Variants in PTPN12 observed in about 807,000 individuals in gnomAD.
PTPN12 encodes tyrosine-protein phosphatase non-receptor type 12.
A neutral mutation model predicts 97.6 loss-of-function variants in PTPN12; 29 were observed. That is an observed-to-expected ratio of 0.30 (90% CI 0.22 to 0.41). PTPN12 has a LOEUF of 0.41. Among genes scored for constraint, PTPN12 ranks in the 10% least tolerant of loss-of-function variants. PTPN12 has a pLI of 1.00. For missense variants in PTPN12, 819 were observed against 926.0 expected (o/e 0.88, Z 1.50); for synonymous variants, 327 against 300.4 (o/e 1.09, Z -0.91).
chr7:77,596,127 T>C (rs1788015228), intron 6 of PTPN12, among the ~76,000 whole-genome samples: 1 of 152,232 alleles, frequency 6.6e-6, no homozygotes, highest in African/African-American at 2.4e-5. Flanking sequence ...GGGTGGTTAC[T>C]ACTTTGCAGA....
intron 12 of PTPN12, among the ~76,000 whole-genome samples, chr7:77,623,107 G>A (rs1789004634): frequency 6.6e-6 from 1 of 151,718 alleles, no homozygotes; most frequent in Non-Finnish European, 1.5e-5. Context: ...CACCAAATGT[G>A]ATGGATAAAA....
chr7:77,629,939 CAAA>C (rs1168132976), intron 13 of PTPN12, among the ~76,000 whole-genome samples: 6 of 98,856 alleles, frequency 6.1e-5, no homozygotes, highest in Admixed American at 2.1e-4. Flanking sequence ...GACCCTGTCT[CAAA>C]AAAAAAAAAA....
At chr7:77,545,959 G>A (rs750467875) in intron 1 of PTPN12, among the ~76,000 whole-genome samples, 14 of 152,000 alleles carry the variant, frequency 9.2e-5, no homozygotes, top group Non-Finnish European at 1.9e-4. Context: ...TTGAGACAAA[G>A]TCTTGCTTTG....
intron 5 of PTPN12, 51 bp downstream of exon 5, chr7:77,585,632 T>C (rs746395231): frequency 6.8e-7 from 1 of 1,468,308 alleles, no homozygotes; most frequent in East Asian, 2.3e-5. Context: ...ATAAATATTC[T>C]TAGTCTTTTA....
At chr7:77,608,850 C>T (rs1181248958) in intron 9 of PTPN12, among the ~76,000 whole-genome samples, 2 of 152,108 alleles carry the variant, frequency 1.3e-5, no homozygotes, top group Non-Finnish European at 2.9e-5. Context: ...ACATAAAAGT[C>T]AAAGATTAAA....
chr7:77,610,981 C>T lies in PTPN12; in HGVS notation c.874C>T (p.Gln292Ter). ...QYELVHRAIA[Q>*]LFEKQLQLYE... ...TGAACTTGTTCATAGAGCTATTGCC[C>T]AACTGTTTGAAAAACAGCTACAACT... The change falls in exon 11 of 18, where the codon CAA (glutamine) becomes TAA (stop). Residue 292 changes from glutamine to a stop codon, truncating the protein, a stop_gained. Transcript: ENST00000248594. LOFTEE classifies it high-confidence loss of function. 1.2e-6 allele frequency: 2 copies of T among 1,613,148 alleles called. No individual in the cohort carries two copies. Among genetic ancestry groups the T allele is most frequent in the Non-Finnish European group, 1.7e-6 (2 of 1,179,610 alleles).
chr7:77,574,988 T>A (rs1055220408), intron 2 of PTPN12, among the ~76,000 whole-genome samples: 1 of 151,824 alleles, frequency 6.6e-6, no homozygotes, highest in African/African-American at 2.4e-5. Flanking sequence ...CCTGCCACCA[T>A]GCCCAGCTAA....
intron 2 of PTPN12, among the ~76,000 whole-genome samples, chr7:77,577,634 C>A (rs59537079): frequency 2.0e-5 from 3 of 152,040 alleles, no homozygotes; most frequent in Non-Finnish European, 4.4e-5. Context: ...ATGAATGATA[C>A]TAAAATTCAC....
At chr7:77,630,374 G>T (rs1440249335) in intron 13 of PTPN12, among the ~76,000 whole-genome samples, 1 of 152,142 alleles carries the variant, frequency 6.6e-6, no homozygotes, top group Non-Finnish European at 1.5e-5. Flanking sequence ...AGAAAAATAT[G>T]TCATTAGGCA....
chr7:77,582,156 G>A (rs184941932), intron 3 of PTPN12, among the ~76,000 whole-genome samples: 21 of 121,524 alleles, frequency 1.7e-4, no homozygotes, highest in African/African-American at 6.0e-4. Flanking sequence ...GTGCAGTGGC[G>A]CTATCTCGGC....
chr7:77,632,917 A>G (rs1789452946), intron 14 of PTPN12, among the ~76,000 whole-genome samples: 1 of 152,188 alleles, frequency 6.6e-6, no homozygotes, highest in Non-Finnish European at 1.5e-5. Flanking sequence ...AGATTGCGCC[A>G]TTGCATTCCA....
In PTPN12 at chr7:77,600,794, G is replaced by A; in HGVS notation, c.683G>A (p.Cys228Tyr). 1 of 1,596,774 alleles carries A rather than the reference G, an allele frequency of 6.3e-7. No individual in the cohort carries two copies. Among genetic ancestry groups the A allele is most frequent in the Non-Finnish European group, 8.5e-7 (1 of 1,174,340 alleles). Residue 228 changes from cysteine to tyrosine, a missense_variant, in exon 8 of 18, where the codon TGT (cysteine) becomes TAT (tyrosine). Coordinates refer to ENST00000248594, the MANE Select transcript of PTPN12 (RefSeq NM_002835.4). Reference protein sequence around the residue: ...KYQEHEDVPICIHCSAGCGRT... With the variant: ...KYQEHEDVPIYIHCSAGCGRT... Reference sequence around the variant, plus strand: ...CAAGAACATGAAGATGTTCCTATTTGTATTCATTGCAGGTACAAAAGAATT... The same window carrying A: ...CAAGAACATGAAGATGTTCCTATTTATATTCATTGCAGGTACAAAAGAATT...
intron 8 of PTPN12, among the ~76,000 whole-genome samples, chr7:77,603,338 C>G (rs1024742096): frequency 4.6e-5 from 7 of 152,174 alleles, no homozygotes; most frequent in African/African-American, 1.7e-4. Context: ...TTTAGACAAT[C>G]AAAACAGTAC....
rs143861815 is a variant in PTPN12, at chr7:77,560,037, C to T, written c.100-11041C>T. Among the ~76,000 whole-genome samples, 254 of 152,286 alleles carry T rather than the reference C, an allele frequency of 1.7e-3. 2 individuals carry two copies. Among genetic ancestry groups the T allele is most frequent in the South Asian group, 9.7e-3 (47 of 4,828 alleles). ...CCTGTTCATCTCTTATCACTAGCAC[C>T]TAAAACAGTCCCTGGGCATAGGATA... On this transcript the variant is annotated intron_variant, in intron 1 of 17. Transcript: ENST00000248594.
At chr7:77,615,135 C>T (rs920974406) in intron 11 of PTPN12, among the ~76,000 whole-genome samples, 5 of 151,892 alleles carry the variant, frequency 3.3e-5, no homozygotes, top group African/African-American at 4.8e-5. Flanking sequence ...TAAAGGACAC[C>T]GTTACAAGTA....
intron 4 of PTPN12, among the ~76,000 whole-genome samples, chr7:77,584,142 A>ATTAG (rs138220624): frequency 0.018 from 2,789 of 152,340 alleles, 34 homozygotes; most frequent in Middle Eastern, 0.071. Flanking sequence ...AAGCAGAGAA[A>ATTAG]TTAGAATACT....
At chr7:77,550,466 C>T (rs1455623485) in intron 1 of PTPN12, among the ~76,000 whole-genome samples, 1 of 152,138 alleles carries the variant, frequency 6.6e-6, no homozygotes, top group African/African-American at 2.4e-5. Flanking sequence ...AGTGATGATA[C>T]ACCAACCATT....
At chr7:77,551,087 G>T (rs1807459292) in intron 1 of PTPN12, among the ~76,000 whole-genome samples, 1 of 152,064 alleles carries the variant, frequency 6.6e-6, no homozygotes, top group East Asian at 1.9e-4. Context: ...TTGAGATGGA[G>T]TCTCGCTCTG....
chr7:77,539,270 C>A (rs1806832746), intron 1 of PTPN12, among the ~76,000 whole-genome samples: 1 of 151,982 alleles, frequency 6.6e-6, no homozygotes, highest in Admixed American at 6.6e-5. Flanking sequence ...TAATAGAGGA[C>A]GGAAGTAAAG....
Sources: gnomAD v4.1 joint callset for allele counts (sites outside exome capture counted in the v4.1 genomes callset) on GRCh38, gnomAD v4.1.1 for gene constraint, MANE v1.5 for transcripts, NCBI Gene and HGNC (gene_info 2026-07-23, HGNC 2026-07-21) for gene names.